Variants in OASL observed in about 807,000 individuals in gnomAD.
The protein encoded by OASL is 2'-5'-oligoadenylate synthase-like protein.
In OASL, 28 loss-of-function variants were observed where a neutral mutation model predicts 35.3. The observed-to-expected ratio is 0.79, with a 90% CI of 0.59 to 1.09. The LOEUF is 1.09. OASL is among the 50% of genes least tolerant of loss of function. OASL has a pLI of 0.00. For synonymous variants in OASL, 252 were observed against 254.6 expected, an observed-to-expected ratio of 0.99 and a Z score of 0.10; for missense variants, 620 against 635.2, an observed-to-expected ratio of 0.98 and a Z score of 0.26.
rs555115901 is a variant in OASL, at chr12:121,039,087, T to C, written c.-116A>G. On this transcript the variant is annotated 5_prime_UTR_variant, in exon 1 of 6. Transcript: ENST00000257570. ...TCCTCAGCTGCCCTCCAGTGCTCTGTGGGAGGAGGGACCCTAGCAGAGAGG... is the reference window on the plus strand; with the variant it reads ...TCCTCAGCTGCCCTCCAGTGCTCTGCGGGAGGAGGGACCCTAGCAGAGAGG... 73 of 822,770 alleles carry C rather than the reference T, an allele frequency of 8.9e-5. No homozygotes were observed. The African/African-American group carries it at 1.1e-3, about 13-fold the overall frequency. 51.0% of individuals were successfully genotyped at this position (822,770 alleles called of 1,614,324 possible).
chr12:121,020,473 C>T, exon 6 of OASL: 1 of 1,345,666 alleles, frequency 7.4e-7, no homozygotes, highest in Non-Finnish European at 1.0e-6. Flanking sequence ...GACCTGGGAC[C>T]TTCCCAGTAG....
Position 121,027,779 on chromosome 12 carries a change from AG to A in OASL, c.695del (p.Pro232LeufsTer8). On this transcript the variant is annotated frameshift_variant, in exon 4 of 6. Transcript: ENST00000257570. LOFTEE classifies it high-confidence loss of function. ...TGGTTAGAAGTTCAAGAGCATAGAGAGGGGGCAGATTGGCTCTGGGGGACCT... is the reference window on the plus strand; with the variant it reads ...TGGTTAGAAGTTCAAGAGCATAGAGAGGGGCAGATTGGCTCTGGGGGACCT... The A allele has an allele frequency of 6.2e-7, 1 of 1,614,094 alleles. No homozygotes were observed. The highest frequency in any genetic ancestry group is 8.5e-7 in the Non-Finnish European group (1 of 1,180,004).
chr12:121,032,889 T>C (rs765989171), intron 2 of OASL, among the ~76,000 whole-genome samples: 3 of 152,166 alleles, frequency 2.0e-5, no homozygotes, highest in Non-Finnish European at 2.9e-5. Flanking sequence ...TCTCTGAGCA[T>C]TTACACCATT....
chr12:121,018,055 G>C (rs978904947), downstream of OASL, among the ~76,000 whole-genome samples: 1 of 152,136 alleles, frequency 6.6e-6, no homozygotes, highest in South Asian at 2.1e-4. Context: ...ATTTGTTAGG[G>C]TTTGACATAA....
chr12:121,026,487 A>G (rs555250286), intron 4 of OASL, among the ~76,000 whole-genome samples: 32 of 152,268 alleles, frequency 2.1e-4, no homozygotes, highest in Admixed American at 1.5e-3. Flanking sequence ...CAGATAAGGG[A>G]AGGCAGACAA....
At chr12:121,021,581 C>T (rs539217182) in intron 5 of OASL, among the ~76,000 whole-genome samples, 7 of 152,194 alleles carry the variant, frequency 4.6e-5, no homozygotes, top group Non-Finnish European at 8.8e-5. Context: ...GAGGCCAAGG[C>T]GGGCAGATCA....
chr12:121,017,969 A>G (rs999941139), downstream of OASL, among the ~76,000 whole-genome samples: 10 of 152,358 alleles, frequency 6.6e-5, no homozygotes, highest in Admixed American at 5.9e-4. Flanking sequence ...ACTGTTAGGC[A>G]AATATTCTTA....
chr12:121,024,272 C>T, intron 4 of OASL, 135 bp from the exon 5 acceptor site: 1 of 848,888 alleles, frequency 1.2e-6, no homozygotes, highest in Non-Finnish European at 1.8e-6. Context: ...TTCAAGAGGG[C>T]CCCAAAACAC....
chr12:121,038,776 T>G, exon 1 of OASL: 4 of 1,614,010 alleles, frequency 2.5e-6, no homozygotes, highest in Non-Finnish European at 3.4e-6. Flanking sequence ...AGTCTTACCT[T>G]GACTACCTTC....
chr12:121,037,571 G>A (rs1870003173), intron 1 of OASL, among the ~76,000 whole-genome samples: 1 of 150,110 alleles, frequency 6.7e-6, no homozygotes, highest in African/African-American at 2.5e-5. Flanking sequence ...TCAGGAGATC[G>A]AGACCATCCT....
At chr12:121,036,019 AG>A (rs1180036608) in intron 1 of OASL, among the ~76,000 whole-genome samples, 7 of 152,110 alleles carry the variant, frequency 4.6e-5, no homozygotes, top group African/African-American at 1.7e-4. Flanking sequence ...CGCCATGCCC[AG>A]CTAATTTTTT....
chr12:121,034,254 T>C (rs551228401), intron 1 of OASL, among the ~76,000 whole-genome samples: 1 of 151,768 alleles, frequency 6.6e-6, no homozygotes, highest in African/African-American at 2.4e-5. Flanking sequence ...TGCAGTGGCA[T>C]GATCTTGGCT....
chr12:121,023,027 A>G (rs1468743058), intron 5 of OASL, among the ~76,000 whole-genome samples: 1 of 152,222 alleles, frequency 6.6e-6, no homozygotes, highest in Non-Finnish European at 1.5e-5. Context: ...ATGAGGATCA[A>G]CTGAGACAGA....
chr12:121,031,556 G>T lies in OASL; in HGVS notation c.543C>A (p.Cys181Ter), dbSNP rs781684922. 1 of 1,614,026 alleles carries T rather than the reference G, an allele frequency of 6.2e-7. No individual in the cohort carries two copies. Among genetic ancestry groups the T allele is most frequent in the East Asian group, 2.2e-5 (1 of 44,882 alleles). ...ATGGGCAGAAATTTCCAGGACCACC[G>T]CAGGCCTTGATCAGGCTCACATAGA... Residue 181 changes from cysteine (C) to a stop codon, truncating the protein, a stop_gained, in exon 3 of 6, where the codon TGC becomes TGA. Coordinates refer to ENST00000257570, the Ensembl canonical transcript of OASL. LOFTEE classifies it high-confidence loss of function.
chr12:121,033,575 G>A lies in OASL; in HGVS notation c.367C>T (p.Leu123Phe). 1 of 1,614,192 alleles carries A rather than the reference G, an allele frequency of 6.2e-7. No homozygotes were observed. The highest frequency in any genetic ancestry group is 8.5e-7 in the Non-Finnish European group (1 of 1,180,050). ...CTCTGCTCCATCCTCAGGTCCTCGA[G>A]CCCGAGGTCCAGCAGGTCCTGGCTT... The change falls in exon 2 of 6, where the codon CTC (leucine) becomes TTC (phenylalanine). Residue 123 changes from leucine (L) to phenylalanine (F), a missense_variant. By Grantham distance (22) the Leu-to-Phe change is conservative. Transcript: ENST00000257570.
In OASL at chr12:121,038,989, C is replaced by T. The variant is rs77356806; in HGVS notation, c.-18G>A. Reference sequence around the variant, plus strand: ...AGTGCCATCTCTGTCCCGAGAGTACCGCTGCTGGGCAGATATATAGCCAGG... The same window carrying T: ...AGTGCCATCTCTGTCCCGAGAGTACTGCTGCTGGGCAGATATATAGCCAGG... On this transcript the variant is annotated 5_prime_UTR_variant, in exon 1 of 6. Transcript: ENST00000257570. 2,209 of 1,609,800 alleles carry T rather than the reference C, an allele frequency of 1.4e-3. 34 individuals are homozygous for T. The African/African-American group carries it at 0.025, about 18-fold the overall frequency.
chr12:121,023,762 G>A (rs1044185401), intron 5 of OASL: 5 of 470,926 alleles, frequency 1.1e-5, no homozygotes, highest in South Asian at 3.0e-5. Context: ...GTAAATTATG[G>A]GAAAAAGAAA....
At chr12:121,033,814 A>T in intron 1 of OASL, 71 bp from the exon 2 acceptor site, 1 of 1,514,340 alleles carries the variant, frequency 6.6e-7, no homozygotes, top group Non-Finnish European at 9.0e-7. Flanking sequence ...GGCACTTCAC[A>T]TGCACTGTCT....
intron 3 of OASL, among the ~76,000 whole-genome samples, chr12:121,029,037 C>G (rs1869619392): frequency 7.2e-6 from 1 of 138,566 alleles, no homozygotes; most frequent in Non-Finnish European, 1.5e-5. Flanking sequence ...TGCACTCCAG[C>G]CTGGGCAAGA....
Sources: allele counts gnomAD v4.1 joint callset (sites outside exome capture counted in the v4.1 genomes callset), GRCh38; gene constraint gnomAD v4.1.1; transcripts MANE v1.5; gene names NCBI Gene and HGNC (gene_info 2026-07-23, HGNC 2026-07-21).